Variants in STK32C observed in about 807,000 individuals in gnomAD.
STK32C encodes serine/threonine-protein kinase 32C.
In STK32C, 31 loss-of-function variants were observed where a neutral mutation model predicts 56.5. The observed-to-expected ratio is 0.55, with a 90% CI of 0.41 to 0.74. STK32C has a LOEUF of 0.74. Ranked by LOEUF, STK32C falls within the 30% of genes least tolerant of loss-of-function variation. The pLI, the probability that STK32C is intolerant of heterozygous loss-of-function variation, is 0.00. For synonymous variants in STK32C, 309 were observed against 289.4 expected, an observed-to-expected ratio of 1.07 and a Z score of -0.69; for missense variants, 544 against 676.9, an observed-to-expected ratio of 0.80 and a Z score of 2.18.
At chr10:132,324,282 A>C (rs765418473) in exon 2 of STK32C, 14 of 779,668 alleles carry the variant, frequency 1.8e-5, no homozygotes, top group Non-Finnish European at 3.3e-5. Flanking sequence ...CAGCTTTTTC[A>C]TGGCAGCCTG....
chr10:132,297,441 C>A (rs2065784530), intron 1 of STK32C, among the ~76,000 whole-genome samples: 1 of 152,212 alleles, frequency 6.6e-6, no homozygotes, highest in South Asian at 2.1e-4. Flanking sequence ...CCACGCCAGC[C>A]CCGGTACTAG....
At chr10:132,306,696 G>A (rs1228518922) in intron 1 of STK32C, among the ~76,000 whole-genome samples, 1 of 152,238 alleles carries the variant, frequency 6.6e-6, no homozygotes, top group Non-Finnish European at 1.5e-5. Flanking sequence ...CACATTTCAA[G>A]TATTTTAAGA....
intron 1 of STK32C, among the ~76,000 whole-genome samples, chr10:132,325,075 C>A (rs1590516180): frequency 6.6e-6 from 1 of 152,190 alleles, no homozygotes; most frequent in African/African-American, 2.4e-5. Context: ...CTGTTAGAAA[C>A]AATTGATGGT....
chr10:132,254,068 G>C (rs1038481931), intron 1 of STK32C, among the ~76,000 whole-genome samples: 18 of 152,190 alleles, frequency 1.2e-4, no homozygotes, highest in Non-Finnish European at 2.4e-4. Flanking sequence ...CCAGCACTTA[G>C]GGAGGCCGAG....
intron 10 of STK32C, among the ~76,000 whole-genome samples, chr10:132,212,819 A>T (rs143636736): frequency 2.4e-3 from 367 of 152,346 alleles, no homozygotes; most frequent in Non-Finnish European, 2.4e-3. Flanking sequence ...ATGAAAATCA[A>T]TGACTTTTCC....
At chr10:132,240,358 G>A (rs997917414) in intron 2 of STK32C, among the ~76,000 whole-genome samples, 4 of 152,216 alleles carry the variant, frequency 2.6e-5, no homozygotes, top group African/African-American at 9.6e-5. Context: ...TGGCAGGGTG[G>A]TCCTACAGCA....
At chr10:132,249,120 C>G (rs923042222) in intron 1 of STK32C, 4 of 392,860 alleles carry the variant, frequency 1.0e-5, no homozygotes, top group Middle Eastern at 4.2e-4. Flanking sequence ...CGTGCCGGGG[C>G]GGGGCTGTGG....
chr10:132,331,143 G>C (rs2066698813), intron 1 of STK32C, among the ~76,000 whole-genome samples: 3 of 143,942 alleles, frequency 2.1e-5, no homozygotes, highest in Non-Finnish European at 4.5e-5. Context: ...GGAGGTCGCA[G>C]TGGGCCGAGA....
intron 1 of STK32C, among the ~76,000 whole-genome samples, chr10:132,293,025 G>T (rs1209235314): frequency 2.0e-5 from 3 of 152,242 alleles, no homozygotes; most frequent in Non-Finnish European, 4.4e-5. Context: ...CACGCAACGT[G>T]CAGGGCAAGA....
intron 1 of STK32C, among the ~76,000 whole-genome samples, chr10:132,291,049 T>C (rs2138300898): frequency 6.6e-6 from 1 of 152,364 alleles, no homozygotes; most frequent in South Asian, 2.1e-4. Flanking sequence ...CCCTCATGGC[T>C]GTGGGACCTC....
rs776925668 is a variant in STK32C at position 132,224,458 on chromosome 10, G to A, written c.942C>T (p.Ser314=). 14 of 1,568,240 alleles carry A rather than the reference G, an allele frequency of 8.9e-6. No individual in the cohort carries two copies. The highest frequency in any genetic ancestry group is 5.9e-5 in the South Asian group (5 of 85,132). The change falls in exon 8 of 12, where the codon AGC becomes AGT. Residue 314 remains serine (S), a synonymous_variant. Coordinates refer to ENST00000298630, the MANE Select transcript of STK32C (RefSeq NM_173575.4). ...TGGACCACGTGGGGACATACTGGACGCTCACGGTGCTGAACAGCTGCACCA... is the reference window on the plus strand; with the variant it reads ...TGGACCACGTGGGGACATACTGGACACTCACGGTGCTGAACAGCTGCACCA... ...ESLVQLFSTV[S]VQYVPTWSKE... is the part of the protein sequence containing the mutation.
At chr10:132,279,099 AAC>A (rs2065075621) in intron 1 of STK32C, among the ~76,000 whole-genome samples, 1 of 152,188 alleles carries the variant, frequency 6.6e-6, no homozygotes, top group African/African-American at 2.4e-5. Flanking sequence ...AGCAATTAGC[AAC>A]AGTGATCAAT....
At chr10:132,228,861 C>T (rs1229887347) in intron 2 of STK32C, among the ~76,000 whole-genome samples, 1 of 152,268 alleles carries the variant, frequency 6.6e-6, no homozygotes, top group African/African-American at 2.4e-5. Flanking sequence ...AGGAGACACA[C>T]AGAGTGAGCG....
rs55869295 is a variant in STK32C at position 132,208,016 on chromosome 10, G to A, written c.1455C>T (p.Ser485=). Residue 485 remains serine (S), a synonymous_variant, in exon 12 of 12, where the codon AGC becomes AGT. Coordinates refer to ENST00000298630, the MANE Select transcript of STK32C (RefSeq NM_173575.4). ...GGACCACGGGCGTCCCGGCCTAGCC[G>A]CTCCCGGCCGAGGGGCAAATGGGGC... ...MCGPICPSAG[S]G 2,427 of 1,308,270 alleles carry A rather than the reference G, an allele frequency of 1.9e-3. 35 individuals are homozygous for A. The African/African-American group carries it at 0.029, about 15-fold the overall frequency. The allele number at this position is 1,308,270 out of a possible 1,614,324, so 81.0% of individuals were successfully genotyped here.
intron 10 of STK32C, among the ~76,000 whole-genome samples, chr10:132,211,019 C>T (rs748564380): frequency 3.3e-5 from 5 of 152,336 alleles, no homozygotes; most frequent in South Asian, 4.1e-4. Context: ...CAGACTCCCA[C>T]GCTCTCTGCG....
chr10:132,260,922 C>T (rs77548467), intron 1 of STK32C, among the ~76,000 whole-genome samples: 2,450 of 152,310 alleles, frequency 0.016, 74 homozygotes, highest in African/African-American at 0.054. Context: ...CCCAGAACCC[C>T]GTCAGGACGC....
At chr10:132,326,953 C>T (rs1399810136) in intron 1 of STK32C, among the ~76,000 whole-genome samples, 1 of 152,202 alleles carries the variant, frequency 6.6e-6, no homozygotes, top group Non-Finnish European at 1.5e-5. Flanking sequence ...CTTATGGCAG[C>T]TTCACAATAA....
chr10:132,244,710 C>T (rs922288679), intron 2 of STK32C, among the ~76,000 whole-genome samples: 3 of 152,236 alleles, frequency 2.0e-5, no homozygotes, highest in South Asian at 2.1e-4. Flanking sequence ...TGCCGTCCTC[C>T]GCTGCCAGAG....
intron 1 of STK32C, among the ~76,000 whole-genome samples, chr10:132,267,480 C>T (rs2064585364): frequency 6.6e-6 from 1 of 151,046 alleles, no homozygotes; most frequent in Non-Finnish European, 1.5e-5. Flanking sequence ...CAGCTCTATG[C>T]CTGTCTGTGT....
Sources: allele counts gnomAD v4.1 joint callset (sites outside exome capture counted in the v4.1 genomes callset), GRCh38; gene constraint gnomAD v4.1.1; transcripts MANE v1.5; gene names NCBI Gene and HGNC (gene_info 2026-07-23, HGNC 2026-07-21).